The following CNNM2 variants were observed in gnomAD, a reference collection of about 807,000 sequenced individuals.
The protein encoded by CNNM2 is metal transporter CNNM2.
Under a neutral mutation model 66.9 loss-of-function variants are expected in CNNM2, and 12 were observed. The ratio of observed to expected loss-of-function variants is 0.18; its 90% CI spans 0.11 to 0.29. The LOEUF (loss-of-function observed/expected upper bound fraction) is 0.29, where lower values mean the gene tolerates loss of function less well. CNNM2 is among the 10% of genes least tolerant of loss of function. The pLI is 1.00. For synonymous variants in CNNM2, 557 were observed against 501.8 expected, an observed-to-expected ratio of 1.11 and a Z score of -1.47; for missense variants, 705 against 1,167.7, an observed-to-expected ratio of 0.60 and a Z score of 5.77.
At chr10:103,018,547 GA>G (rs2064501051) in intron 1 of CNNM2, among the ~76,000 whole-genome samples, 2 of 152,198 alleles carry the variant, frequency 1.3e-5, no homozygotes, top group Non-Finnish European at 2.9e-5. Flanking sequence ...GAAGAAAAGA[GA>G]TCCAAAAGTG....
chr10:103,068,174 C>T (rs1229397822), intron 4 of CNNM2, among the ~76,000 whole-genome samples: 1 of 152,134 alleles, frequency 6.6e-6, no homozygotes, highest in Admixed American at 6.5e-5. Flanking sequence ...CCAAGAACTA[C>T]AGATATTGGG....
intron 2 of CNNM2, among the ~76,000 whole-genome samples, chr10:103,052,279 CAAAAAAAAAAACAA>C (rs1246219374): frequency 3.9e-5 from 3 of 76,292 alleles, no homozygotes; most frequent in Non-Finnish European, 8.0e-5. Context: ...GAATCCGTCT[CAAAAAAAAAAACAA>C]AAAAAAAAAA....
intron 1 of CNNM2, among the ~76,000 whole-genome samples, chr10:103,014,862 A>C (rs2064411618): frequency 6.6e-6 from 1 of 152,026 alleles, no homozygotes; most frequent in Non-Finnish European, 1.5e-5. Context: ...ACTGCACTGC[A>C]GCCTGGGTGG....
intron 1 of CNNM2, among the ~76,000 whole-genome samples, chr10:103,033,404 A>G (rs1275622355): frequency 1.3e-5 from 2 of 152,100 alleles, no homozygotes; most frequent in African/African-American, 2.4e-5. Context: ...GTTAGCCAGG[A>G]CAGTCTCAAT....
rs1304363111 is a variant in CNNM2, at chr10:103,054,493, A to G, written c.1903+27A>G. 2 of 1,611,652 alleles carry G rather than the reference A, an allele frequency of 1.2e-6. No homozygotes were observed. Among genetic ancestry groups the G allele is most frequent in the African/African-American group, 2.7e-5 (2 of 74,834 alleles). On this transcript the variant is annotated intron_variant, in intron 3 of 7. Coordinates refer to ENST00000369878, the MANE Select transcript of CNNM2 (RefSeq NM_017649.5). The surrounding 1 kb of genome is among the most constrained non-coding windows in gnomAD (Gnocchi z 5.2). Reference sequence around the variant, plus strand: ...CAAGTGCAGCTTATCACAGTTTGAGATCTCTACCAACCCTGAAGCGTGTTT... The same window carrying G: ...CAAGTGCAGCTTATCACAGTTTGAGGTCTCTACCAACCCTGAAGCGTGTTT...
At chr10:102,936,310 T>C (rs1846237835) in intron 1 of CNNM2, among the ~76,000 whole-genome samples, 1 of 152,226 alleles carries the variant, frequency 6.6e-6, no homozygotes, top group African/African-American at 2.4e-5. Context: ...CATGCTTTCT[T>C]ATCTCTTTCA....
At chr10:102,946,371 G>A (rs1384458900) in intron 1 of CNNM2, among the ~76,000 whole-genome samples, 3 of 152,072 alleles carry the variant, frequency 2.0e-5, no homozygotes, top group African/African-American at 7.2e-5. Flanking sequence ...TACATTTAAT[G>A]TACATATTGA....
Position 103,068,325 on chromosome 10 carries a change from GGTAACA to G in CNNM2, c.2074-303_2074-298del. ...AGCTCAAGAGTTCAAAACCAGCCTAGGTAACATAAGGAGATCTATCTCTACAAAGAA... is the reference window on the plus strand; with the variant it reads ...AGCTCAAGAGTTCAAAACCAGCCTAGTAAGGAGATCTATCTCTACAAAGAA... On this transcript the variant is annotated intron_variant, in intron 4 of 7. Transcript: ENST00000369878. The G allele has an allele frequency of 1.1e-5, 3 of 275,262 alleles. No individual in the cohort carries two copies. The South Asian group carries it at 1.5e-4, about 14-fold the overall frequency. 17.1% of individuals were successfully genotyped at this position (275,262 alleles called of 1,614,324 possible).
chr10:102,967,029 C>G (rs1204879538), intron 1 of CNNM2, among the ~76,000 whole-genome samples: 1 of 152,170 alleles, frequency 6.6e-6, no homozygotes, highest in Non-Finnish European at 1.5e-5. Flanking sequence ...TCACTTTAGC[C>G]TCGAATTTCT....
chr10:103,038,973 T>TG (rs2064990440), intron 1 of CNNM2, among the ~76,000 whole-genome samples: 1 of 152,092 alleles, frequency 6.6e-6, no homozygotes, highest in African/African-American at 2.4e-5. Context: ...TTAGATCTGG[T>TG]GGGGATGGTA....
intron 1 of CNNM2, among the ~76,000 whole-genome samples, chr10:102,936,801 G>A (rs1248225863): frequency 6.6e-6 from 1 of 152,102 alleles, no homozygotes; most frequent in Non-Finnish European, 1.5e-5. Context: ...GTTGCTCCAA[G>A]TTTTTCTGTT....
chr10:102,948,795 C>T (rs1206466085), intron 1 of CNNM2, among the ~76,000 whole-genome samples: 1 of 152,074 alleles, frequency 6.6e-6, no homozygotes, highest in Non-Finnish European at 1.5e-5. Flanking sequence ...GAAATGATGA[C>T]AGCTGGGTGG....
intron 1 of CNNM2, among the ~76,000 whole-genome samples, chr10:102,987,433 G>A (rs979036764): frequency 6.6e-6 from 1 of 151,998 alleles, no homozygotes; most frequent in African/African-American, 2.4e-5. Flanking sequence ...CCATTCTCCT[G>A]CCCCAGCCTC....
intron 1 of CNNM2, among the ~76,000 whole-genome samples, chr10:103,002,822 T>C (rs2064148357): frequency 6.6e-6 from 1 of 152,172 alleles, no homozygotes; most frequent in African/African-American, 2.4e-5. Context: ...TGGAATGGTC[T>C]AACTGCTCTG....
chr10:103,011,419 T>G (rs767182685), intron 1 of CNNM2, among the ~76,000 whole-genome samples: 7 of 151,818 alleles, frequency 4.6e-5, no homozygotes, highest in Non-Finnish European at 8.8e-5. Flanking sequence ...TGCCACTGCA[T>G]TCCAGCCTGG....
intron 1 of CNNM2, among the ~76,000 whole-genome samples, chr10:102,938,334 C>G (rs1290657185): frequency 1.3e-5 from 2 of 151,452 alleles, no homozygotes; most frequent in Admixed American, 1.3e-4. Context: ...ATCCCAGCTA[C>G]TCGAGAGGCT....
intron 6 of CNNM2, among the ~76,000 whole-genome samples, chr10:103,075,795 T>C (rs987776420): frequency 6.6e-6 from 1 of 152,194 alleles, no homozygotes; most frequent in African/African-American, 2.4e-5. Flanking sequence ...TACCCGGGAA[T>C]GTTCCTCACG....
intron 1 of CNNM2, among the ~76,000 whole-genome samples, chr10:102,989,413 G>A (rs2063856258): frequency 6.6e-6 from 1 of 151,518 alleles, no homozygotes; most frequent in Admixed American, 6.6e-5. Flanking sequence ...AACAAATAAA[G>A]TTTTATTTTT....
rs375300866 is a variant in CNNM2 at position 103,004,417 on chromosome 10, G to C, written c.1622-45290G>C. ...TGAATATTCTCGAACATGTCTTTTG[G>C]TGGACATCTGTGTGCATTTCTGATA... On this transcript the variant is annotated intron_variant, in intron 1 of 7. Transcript: ENST00000369878. 3.9e-5 allele frequency among the ~76,000 whole-genome samples: 6 copies of C among 152,248 alleles called. No individual in the cohort carries two copies. The South Asian group carries it at 1.0e-3, about 26-fold the overall frequency.
Sources: allele counts gnomAD v4.1 joint callset (sites outside exome capture counted in the v4.1 genomes callset), GRCh38; gene constraint gnomAD v4.1.1; non-coding constraint Gnocchi (gnomAD v3.1); transcripts MANE v1.5; gene names NCBI Gene and HGNC (gene_info 2026-07-23, HGNC 2026-07-21).